POU2F1: variants seen among roughly 807,000 people sequenced by gnomAD.
POU2F1 encodes the protein POU class 2 homeobox 1, also known as POU domain, class 2, transcription factor 1.
In POU2F1, 16 loss-of-function variants were observed where a neutral mutation model predicts 84.9. The observed-to-expected ratio is 0.19, with a 90% CI of 0.13 to 0.29. The LOEUF is 0.29. Among genes scored for constraint, POU2F1 ranks in the 10% least tolerant of loss-of-function variants. The probability of loss-of-function intolerance (pLI) is 1.00; values close to 1 mark genes in which losing one functional copy is unlikely to be tolerated. For missense variants in POU2F1, 738 were observed against 942.6 expected (o/e 0.78, Z 2.84); for synonymous variants, 368 against 368.3 (o/e 1.00, Z 0.01).
intron 1 of POU2F1, among the ~76,000 whole-genome samples, chr1:167,297,948 C>T (rs1006747219): frequency 2.0e-5 from 3 of 151,702 alleles, no homozygotes; most frequent in South Asian, 2.1e-4. Flanking sequence ...GGTGAAACCC[C>T]GTCTCTACTA....
chr1:167,242,217 T>C (rs181317865), intron 1 of POU2F1, among the ~76,000 whole-genome samples: 215 of 152,338 alleles, frequency 1.4e-3, no homozygotes, highest in African/African-American at 4.6e-3. Flanking sequence ...TTAATACTTT[T>C]GGTTTTCAGA....
intron 1 of POU2F1, among the ~76,000 whole-genome samples, chr1:167,244,121 G>A (rs1329083054): frequency 6.6e-6 from 1 of 152,210 alleles, no homozygotes; most frequent in Non-Finnish European, 1.5e-5. Context: ...TCAAATGGCT[G>A]GAGCGGTGTG....
intron 13 of POU2F1, among the ~76,000 whole-genome samples, chr1:167,409,489 G>A (rs1230586963): frequency 1.3e-5 from 2 of 152,192 alleles, no homozygotes; most frequent in African/African-American, 2.4e-5. Context: ...AGAATTTACA[G>A]TCATGAAATA....
At position 167,283,303 on chromosome 1, in the gene POU2F1, G is replaced by A. The variant is rs182553801; in HGVS notation, c.62-49167G>A. Among the ~76,000 whole-genome samples the A allele has an allele frequency of 9.9e-5, 15 of 151,310 alleles. No homozygotes were observed. In the East Asian group the frequency reaches 2.7e-3, roughly 27 times the overall value. Reference sequence around the variant, plus strand: ...TGTAAAAAGCCATTACCAACAAAAAGGAGGAAAAAAAAAAGAGGAAGAAGA... The same window carrying A: ...TGTAAAAAGCCATTACCAACAAAAAAGAGGAAAAAAAAAAGAGGAAGAAGA... On this transcript the variant is annotated intron_variant, in intron 1 of 15. Coordinates refer to ENST00000367866, the MANE Select transcript of POU2F1 (RefSeq NM_002697.4).
chr1:167,277,829 C>T (rs1652845348), intron 1 of POU2F1, among the ~76,000 whole-genome samples: 1 of 152,124 alleles, frequency 6.6e-6, no homozygotes, highest in Admixed American at 6.6e-5. Context: ...TCCTAATACC[C>T]CCTCTCCCTC....
chr1:167,294,172 C>CAAAAAAAAAAA (rs60846607), intron 1 of POU2F1, among the ~76,000 whole-genome samples: 3 of 30,952 alleles, frequency 9.7e-5, no homozygotes, highest in Non-Finnish European at 2.7e-4. Context: ...TACTAAAATA[C>CAAAAAAAAAAA]AAAAAAAAAA....
intron 1 of POU2F1, among the ~76,000 whole-genome samples, chr1:167,254,869 A>G (rs2102414468): frequency 6.6e-6 from 1 of 152,314 alleles, no homozygotes; most frequent in East Asian, 1.9e-4. Context: ...AGCAATATGT[A>G]AGACTTACTA....
chr1:167,274,775 T>C (rs140490332), intron 1 of POU2F1, among the ~76,000 whole-genome samples: 1 of 152,322 alleles, frequency 6.6e-6, no homozygotes, highest in African/African-American at 2.4e-5. Context: ...CCATGAATTA[T>C]AGTAAAGTTA....
At chr1:167,369,963 C>T (rs763100012) in intron 3 of POU2F1, among the ~76,000 whole-genome samples, 198 bp from the exon 4 acceptor site, 7 of 149,470 alleles carry the variant, frequency 4.7e-5, no homozygotes, top group Non-Finnish European at 1.0e-4. Context: ...CAGCATTTTT[C>T]TGTGGGACCC....
intron 1 of POU2F1, among the ~76,000 whole-genome samples, chr1:167,273,044 AT>A (rs760732908): frequency 6.6e-6 from 1 of 152,176 alleles, no homozygotes; most frequent in Admixed American, 6.5e-5. Flanking sequence ...AAAGGGAGAA[AT>A]CAACCAAAAG....
chr1:167,242,389 C>T (rs1424598643), intron 1 of POU2F1, among the ~76,000 whole-genome samples: 1 of 152,174 alleles, frequency 6.6e-6, no homozygotes, highest in Non-Finnish European at 1.5e-5. Context: ...CATAGAAGGA[C>T]CTGTTGCCCT....
At chr1:167,273,011 A>G (rs1170098379) in intron 1 of POU2F1, among the ~76,000 whole-genome samples, 1 of 152,244 alleles carries the variant, frequency 6.6e-6, no homozygotes, top group Non-Finnish European at 1.5e-5. Context: ...GGGTACAGGC[A>G]TTGAGTAAAC....
At chr1:167,319,419 G>A (rs1656155574) in intron 1 of POU2F1, among the ~76,000 whole-genome samples, 2 of 152,088 alleles carry the variant, frequency 1.3e-5, no homozygotes, top group South Asian at 4.2e-4. Context: ...TTTAAAGTCA[G>A]TAATGCTAGA....
At chr1:167,263,578 C>T (rs1394776453) in intron 1 of POU2F1, among the ~76,000 whole-genome samples, 1 of 151,948 alleles carries the variant, frequency 6.6e-6, no homozygotes, top group Non-Finnish European at 1.5e-5. Flanking sequence ...CATTTAGCCT[C>T]TTCAGTGAGT....
intron 1 of POU2F1, among the ~76,000 whole-genome samples, chr1:167,225,887 C>A (rs10737533): frequency 6.6e-6 from 1 of 152,140 alleles, no homozygotes; most frequent in African/African-American, 2.4e-5. Context: ...GTCTTTCAAG[C>A]ACCATTAAAA....
At chr1:167,288,756 A>G (rs1166169053) in intron 1 of POU2F1, among the ~76,000 whole-genome samples, 2 of 152,202 alleles carry the variant, frequency 1.3e-5, no homozygotes, top group Non-Finnish European at 2.9e-5. Context: ...TTTAATTTAG[A>G]TATTAACTGA....
chr1:167,393,599 A>G (rs1293148247), intron 9 of POU2F1, among the ~76,000 whole-genome samples: 1 of 152,122 alleles, frequency 6.6e-6, no homozygotes, highest in African/African-American at 2.4e-5. Context: ...TCTGGGGTCA[A>G]GTGATCCTCC....
intron 7 of POU2F1, among the ~76,000 whole-genome samples, chr1:167,382,926 T>C (rs903771276): frequency 5.3e-5 from 8 of 152,338 alleles, no homozygotes; most frequent in Admixed American, 6.5e-5. Flanking sequence ...GCTTAAGTGT[T>C]CTGGCTGTTG....
chr1:167,370,264 A>G (rs921045754), intron 4 of POU2F1, 50 bp downstream of exon 4: 2 of 1,493,808 alleles, frequency 1.3e-6, no homozygotes, highest in South Asian at 2.5e-5. Flanking sequence ...ATTTTTTCTT[A>G]TATTTTTCTG....
Sources: allele counts gnomAD v4.1 joint callset (sites outside exome capture counted in the v4.1 genomes callset), GRCh38; gene constraint gnomAD v4.1.1; transcripts MANE v1.5; gene names NCBI Gene and HGNC (gene_info 2026-07-23, HGNC 2026-07-21).